ITPR2: variants seen among roughly 807,000 people sequenced by gnomAD.
ITPR2 encodes the protein inositol 1,4,5-trisphosphate receptor type 2.
In ITPR2, 207 loss-of-function variants were observed where a neutral mutation model predicts 317.1. The ratio of observed to expected loss-of-function variants is 0.65; its 90% CI spans 0.58 to 0.73. The LOEUF (loss-of-function observed/expected upper bound fraction) is 0.73, where lower values mean the gene tolerates loss of function less well. Among genes scored for constraint, ITPR2 ranks in the 30% least tolerant of loss-of-function variants. The pLI, the probability that ITPR2 is intolerant of heterozygous loss-of-function variation, is 0.00. For missense variants in ITPR2, 2,613 were observed against 3,284.0 expected, an observed-to-expected ratio of 0.80 and a Z score of 4.99; for synonymous variants, 1,156 against 1,149.1, an observed-to-expected ratio of 1.01 and a Z score of -0.12.
chr12:26,494,518 C>A (rs1412416886), intron 38 of ITPR2, among the ~76,000 whole-genome samples, 178 bp from the exon 39 acceptor site: 1 of 151,758 alleles, frequency 6.6e-6, no homozygotes, highest in Admixed American at 6.6e-5. Context: ...GCCTGTAATC[C>A]CAGCACTTTG....
chr12:26,826,519 T>C (rs1303072307), intron 1 of ITPR2, among the ~76,000 whole-genome samples: 1 of 152,138 alleles, frequency 6.6e-6, no homozygotes, highest in African/African-American at 2.4e-5. Context: ...AATGGAAAAG[T>C]TAATTGCATT....
intron 31 of ITPR2, among the ~76,000 whole-genome samples, chr12:26,596,006 G>C (rs1945834131): frequency 6.6e-6 from 1 of 152,002 alleles, no homozygotes; most frequent in Non-Finnish European, 1.5e-5. Context: ...ATTAATAGAA[G>C]CCTATTGGCA....
chr12:26,790,813 A>G (rs1950329366), intron 1 of ITPR2, among the ~76,000 whole-genome samples: 1 of 152,176 alleles, frequency 6.6e-6, no homozygotes, highest in African/African-American at 2.4e-5. Flanking sequence ...CCTGCATTCA[A>G]TCTCTGGCTT....
Position 26,793,486 on chromosome 12 carries a change from G to A in ITPR2, c.93-3259C>T, listed in dbSNP as rs138534706. 3.4e-3 allele frequency among the ~76,000 whole-genome samples: 518 copies of A among 152,174 alleles called. 7 individuals are homozygous for A. The highest frequency in any genetic ancestry group is 0.026 in the Admixed American group (390 of 15,274). On this transcript the variant is annotated intron_variant, in intron 1 of 56. Coordinates refer to ENST00000381340, the MANE Select transcript of ITPR2 (RefSeq NM_002223.4). ...CTCTTTAAATTGAGTAGGAGGATCT[G>A]CTCTGCACTCCCACAATACTCTAGG...
chr12:26,572,484 A>C (rs1329545244), intron 34 of ITPR2, among the ~76,000 whole-genome samples: 5 of 152,196 alleles, frequency 3.3e-5, no homozygotes, highest in African/African-American at 4.8e-5. Flanking sequence ...TACTTTCTTC[A>C]GCCCTTTTCT....
At chr12:26,583,152 C>T (rs1016340995) in intron 32 of ITPR2, among the ~76,000 whole-genome samples, 7 of 152,102 alleles carry the variant, frequency 4.6e-5, no homozygotes, top group East Asian at 1.9e-4. Context: ...GTGTTTCCTA[C>T]GAGAACTGAC....
chr12:26,615,770 T>C (rs1284230693), intron 26 of ITPR2, among the ~76,000 whole-genome samples: 1 of 152,144 alleles, frequency 6.6e-6, no homozygotes, highest in Non-Finnish European at 1.5e-5. Flanking sequence ...GAGTAAAAAC[T>C]AATAGAAATG....
intron 47 of ITPR2, among the ~76,000 whole-genome samples, chr12:26,438,126 C>T (rs538308234): frequency 2.3e-4 from 35 of 152,052 alleles, no homozygotes; most frequent in Non-Finnish European, 4.7e-4. Flanking sequence ...TTTAAATGCT[C>T]CAAATAAAAT....
intron 6 of ITPR2, 121 bp downstream of exon 6, chr12:26,716,023 A>C: frequency 1.4e-6 from 1 of 734,624 alleles, no homozygotes; most frequent in African/African-American, 1.8e-5. Flanking sequence ...TACCTTAGGG[A>C]TATTAATTAG....
At position 26,499,103 on chromosome 12, in the gene ITPR2, A is replaced by G. The variant is rs1943014347; in HGVS notation, c.5074-3843T>C. Among the ~76,000 whole-genome samples the G allele has an allele frequency of 2.6e-5, 4 of 152,346 alleles. No homozygotes were observed. The South Asian group carries it at 8.3e-4, about 32-fold the overall frequency. On this transcript the variant is annotated intron_variant, in intron 37 of 56. Coordinates refer to ENST00000381340, the MANE Select transcript of ITPR2 (RefSeq NM_002223.4). Reference sequence around the variant, plus strand: ...GAAATAGAAAACTTTTTTACCATTTACTTTTTAAAATGCCGTTTATACTGC... The same window carrying G: ...GAAATAGAAAACTTTTTTACCATTTGCTTTTTAAAATGCCGTTTATACTGC...
chr12:26,542,365 T>C (rs1405306710), intron 37 of ITPR2, among the ~76,000 whole-genome samples: 3 of 152,234 alleles, frequency 2.0e-5, no homozygotes, highest in Admixed American at 6.5e-5. Flanking sequence ...TGTTTGGATC[T>C]AACATGCCAA....
At chr12:26,708,874 A>C (rs1359245881) in intron 9 of ITPR2, among the ~76,000 whole-genome samples, 1 of 152,210 alleles carries the variant, frequency 6.6e-6, no homozygotes, top group Non-Finnish European at 1.5e-5. Context: ...CGTGCCCCAT[A>C]AGTGTATACG....
chr12:26,702,891 C>T (rs536332199), intron 9 of ITPR2, among the ~76,000 whole-genome samples: 59 of 144,538 alleles, frequency 4.1e-4, no homozygotes, highest in East Asian at 2.1e-3. Flanking sequence ...AGGTGTTTTC[C>T]GCAATTCACC....
chr12:26,629,958 C>T (rs1188964851), intron 22 of ITPR2, among the ~76,000 whole-genome samples: 2 of 152,190 alleles, frequency 1.3e-5, no homozygotes, highest in African/African-American at 4.8e-5. Context: ...GGAAAACAAA[C>T]ACCAGAGACT....
chr12:26,644,315 G>C (rs1405996714), intron 21 of ITPR2, among the ~76,000 whole-genome samples: 3 of 152,134 alleles, frequency 2.0e-5, no homozygotes, highest in Non-Finnish European at 1.5e-5. Context: ...GTGGGGAGGA[G>C]CTGCTGCCTC....
At chr12:26,474,522 G>A (rs1015036923) in intron 45 of ITPR2, among the ~76,000 whole-genome samples, 1 of 152,086 alleles carries the variant, frequency 6.6e-6, no homozygotes, top group Admixed American at 6.6e-5. Context: ...GGCCGGGCGC[G>A]GTGGCTCACG....
chr12:26,805,097 G>A (rs1329940696), intron 1 of ITPR2, among the ~76,000 whole-genome samples: 10 of 152,064 alleles, frequency 6.6e-5, no homozygotes, highest in African/African-American at 1.4e-4. Flanking sequence ...ATAAAAATTC[G>A]TAAAGAGACA....
chr12:26,614,586 A>C (rs1451194722), intron 26 of ITPR2, among the ~76,000 whole-genome samples: 1 of 152,254 alleles, frequency 6.6e-6, no homozygotes, highest in Non-Finnish European at 1.5e-5. Flanking sequence ...TCAATAGGTG[A>C]ATGGATAAAC....
chr12:26,467,224 A>G (rs542739409), intron 45 of ITPR2, among the ~76,000 whole-genome samples: 20 of 152,340 alleles, frequency 1.3e-4, no homozygotes, highest in African/African-American at 4.6e-4. Flanking sequence ...GTAGTTAGTT[A>G]TTAGAAACAG....
Sources: allele counts gnomAD v4.1 joint callset (sites outside exome capture counted in the v4.1 genomes callset), GRCh38; gene constraint gnomAD v4.1.1; transcripts MANE v1.5; gene names NCBI Gene and HGNC (gene_info 2026-07-23, HGNC 2026-07-21).